Variants in GPC6 observed in about 807,000 individuals in gnomAD.
The protein encoded by GPC6 is glypican 6.
In GPC6, 14 loss-of-function variants were observed where a neutral mutation model predicts 55.2. The observed-to-expected ratio is 0.25, with a 90% CI of 0.17 to 0.40. The LOEUF is 0.40. Ranked by LOEUF, GPC6 falls within the 10% of genes least tolerant of loss-of-function variation. The pLI is 1.00. For synonymous variants in GPC6, 278 were observed against 259.6 expected, an observed-to-expected ratio of 1.07 and a Z score of -0.68; for missense variants, 641 against 708.5, an observed-to-expected ratio of 0.90 and a Z score of 1.08.
chr13:93,846,038 ACT>A (rs1231662812), intron 3 of GPC6, among the ~76,000 whole-genome samples: 1 of 151,880 alleles, frequency 6.6e-6, no homozygotes, highest in African/African-American at 2.4e-5. Context: ...TAAGAAGAAA[ACT>A]CTACTATTTC....
At chr13:93,874,083 A>G (rs1390383129) in intron 3 of GPC6, among the ~76,000 whole-genome samples, 2 of 152,028 alleles carry the variant, frequency 1.3e-5, no homozygotes, top group East Asian at 3.9e-4. Flanking sequence ...CTTCAGGGGT[A>G]CATGTTCAGG....
intron 2 of GPC6, among the ~76,000 whole-genome samples, chr13:93,587,147 C>T (rs1396685469): frequency 6.6e-6 from 1 of 152,036 alleles, no homozygotes; most frequent in African/African-American, 2.4e-5. Context: ...ACTATCCTCT[C>T]TGGGCCTTCG....
intron 2 of GPC6, among the ~76,000 whole-genome samples, chr13:93,566,840 T>C (rs1312984917): frequency 6.6e-6 from 1 of 152,112 alleles, no homozygotes; most frequent in Non-Finnish European, 1.5e-5. Flanking sequence ...CTGTGTTAGT[T>C]TGCTGAGAAT....
intron 4 of GPC6, among the ~76,000 whole-genome samples, chr13:94,241,277 A>C (rs771398314): frequency 1.2e-4 from 18 of 152,136 alleles, no homozygotes; most frequent in Non-Finnish European, 2.4e-4. Flanking sequence ...TTTGTTATTC[A>C]AGCCACCTAC....
intron 2 of GPC6, among the ~76,000 whole-genome samples, chr13:93,752,622 A>AGTCT: frequency 6.6e-6 from 1 of 152,244 alleles, no homozygotes; most frequent in South Asian, 2.1e-4. Context: ...GGAGTGTAGT[A>AGTCT]GTCTGCCTGT....
chr13:94,096,303 A>C (rs1885653734), intron 4 of GPC6, among the ~76,000 whole-genome samples: 1 of 151,728 alleles, frequency 6.6e-6, no homozygotes, highest in Non-Finnish European at 1.5e-5. Context: ...CAGAAATTTA[A>C]ATATGTTTCA....
chr13:94,175,018 C>G (rs2138935942), intron 4 of GPC6, among the ~76,000 whole-genome samples: 1 of 152,216 alleles, frequency 6.6e-6, no homozygotes, highest in South Asian at 2.1e-4. Context: ...TGTGTATCTC[C>G]CAAATATCAC....
intron 3 of GPC6, among the ~76,000 whole-genome samples, chr13:93,949,679 G>C (rs1379952184): frequency 6.6e-6 from 1 of 152,136 alleles, no homozygotes; most frequent in Admixed American, 6.5e-5. Context: ...TTACCAGGTG[G>C]AGGGAGAGGG....
At chr13:94,071,107 G>C (rs1344345039) in intron 4 of GPC6, among the ~76,000 whole-genome samples, 2 of 152,182 alleles carry the variant, frequency 1.3e-5, no homozygotes, top group Non-Finnish European at 2.9e-5. Context: ...TGCCTGGCAT[G>C]TGCCATCTTG....
chr13:93,813,763 C>G (rs907294065), intron 2 of GPC6, among the ~76,000 whole-genome samples: 5 of 151,034 alleles, frequency 3.3e-5, no homozygotes, highest in African/African-American at 1.2e-4. Context: ...ATTTAATTTT[C>G]TCACTTTATA....
intron 2 of GPC6, among the ~76,000 whole-genome samples, chr13:93,761,528 A>G (rs1217622304): frequency 6.6e-6 from 1 of 152,072 alleles, no homozygotes; most frequent in Admixed American, 6.6e-5. Context: ...AAAATTTTTA[A>G]ATAGAGACAG....
At chr13:94,379,296 C>T (rs1000657228) in intron 6 of GPC6, among the ~76,000 whole-genome samples, 2 of 152,162 alleles carry the variant, frequency 1.3e-5, no homozygotes, top group African/African-American at 4.8e-5. Context: ...CTCACCATCA[C>T]CGTCTGCAGG....
At chr13:94,355,294 ATTACAGGGGTGAGCCACGGCGCCCGGCCG>A (rs1878741456) in intron 6 of GPC6, among the ~76,000 whole-genome samples, 2 of 148,184 alleles carry the variant, frequency 1.3e-5, no homozygotes, top group South Asian at 4.8e-4. Context: ...AAGTGCTGGG[ATTACAGGGGTGAGCCACGGCGCCCGGCCG>A]TGGCTCTTCT....
intron 2 of GPC6, among the ~76,000 whole-genome samples, chr13:93,688,508 C>T (rs146721535): frequency 1.4e-3 from 214 of 151,992 alleles, no homozygotes; most frequent in African/African-American, 5.0e-3. Context: ...GACAGAAGGT[C>T]GAAACAACCC....
intron 3 of GPC6, among the ~76,000 whole-genome samples, chr13:93,978,931 G>C (rs1349123727): frequency 6.6e-6 from 1 of 151,972 alleles, no homozygotes; most frequent in Non-Finnish European, 1.5e-5. Context: ...TATGAATAAT[G>C]GTGTTTAATA....
At chr13:93,705,464 A>C (rs1164647313) in intron 2 of GPC6, among the ~76,000 whole-genome samples, 1 of 151,904 alleles carries the variant, frequency 6.6e-6, no homozygotes, top group Non-Finnish European at 1.5e-5. Context: ...TTATAAGTGT[A>C]ATATAGGTTT....
intron 2 of GPC6, among the ~76,000 whole-genome samples, chr13:93,669,189 A>T (rs1337195526): frequency 6.6e-6 from 1 of 152,126 alleles, no homozygotes; most frequent in Non-Finnish European, 1.5e-5. Flanking sequence ...CCATAACAGG[A>T]CCATTTTTTT....
At chr13:93,844,813 A>AT (rs1460346285) in intron 3 of GPC6, among the ~76,000 whole-genome samples, 5 of 147,522 alleles carry the variant, frequency 3.4e-5, no homozygotes, top group Non-Finnish European at 7.5e-5. Flanking sequence ...TCTTGAATTG[A>AT]TTTTTGTATA....
intron 4 of GPC6, among the ~76,000 whole-genome samples, chr13:94,104,189 G>A (rs894376956): frequency 2.6e-5 from 4 of 152,150 alleles, no homozygotes; most frequent in East Asian, 3.9e-4. Context: ...AATTCAGATG[G>A]TTGTAGATGT....
Sources: allele counts gnomAD v4.1 joint callset (sites outside exome capture counted in the v4.1 genomes callset), GRCh38; gene constraint gnomAD v4.1.1; transcripts MANE v1.5; gene names NCBI Gene and HGNC (gene_info 2026-07-23, HGNC 2026-07-21).